Variants in LYZL4 observed in about 807,000 individuals in gnomAD.
LYZL4 encodes the protein lysozyme-like protein 4.
Under a neutral mutation model 17.6 loss-of-function variants are expected in LYZL4, and 13 were observed. The observed-to-expected ratio is 0.74, with a 90% CI of 0.48 to 1.18. The LOEUF (loss-of-function observed/expected upper bound fraction) is 1.18, where lower values mean the gene tolerates loss of function less well. Ranked by LOEUF, LYZL4 falls within the 50% of genes most tolerant of loss-of-function variation. The pLI is 0.00. For missense variants in LYZL4, 174 were observed against 188.2 expected (o/e 0.92, Z 0.44); for synonymous variants, 64 against 67.7 (o/e 0.95, Z 0.27).
chr3:42,404,164 T>G lies in LYZL4; in HGVS notation c.293-40A>C. The stretch of plus-strand genomic sequence containing the variant: ...AAATGGAAGATACCATGCTGCCATA[T>G]GACAGTTAAGTTAGAGTGATGTCAG... On this transcript the variant is annotated intron_variant, in intron 3 of 4. Coordinates refer to ENST00000287748, the MANE Select transcript of LYZL4 (RefSeq NM_144634.4). The G allele has an allele frequency of 2.2e-6, 3 of 1,389,340 alleles. No homozygotes were observed. The South Asian group carries it at 3.5e-5, about 16-fold the overall frequency. The allele number at this position is 1,389,340 out of a possible 1,614,324, so 86.1% of individuals were successfully genotyped here.
intron 3 of LYZL4, 24 bp downstream of exon 3, chr3:42,406,822 C>A: frequency 6.2e-7 from 1 of 1,612,728 alleles, no homozygotes; most frequent in African/African-American, 1.3e-5. Context: ...AGTGCCCCCG[C>A]ACGGAATGGA....
the LYZL4 span, among the ~76,000 whole-genome samples, chr3:42,376,930 G>C: frequency 1.2e-4 from 18 of 152,316 alleles, no homozygotes; most frequent in African/African-American, 3.6e-4. Context: ...CAATTCTGTT[G>C]CCTAGACAAT....
chr3:42,374,021 T>A, the LYZL4 span, among the ~76,000 whole-genome samples: 2 of 152,182 alleles, frequency 1.3e-5, no homozygotes, highest in African/African-American at 4.8e-5. Flanking sequence ...GAAAATAACT[T>A]TTAGAAACCG....
chr3:42,406,346 C>T (rs529387820), intron 3 of LYZL4, among the ~76,000 whole-genome samples: 28 of 145,556 alleles, frequency 1.9e-4, no homozygotes, highest in Admixed American at 1.6e-3. Flanking sequence ...CCCAGCTACT[C>T]GGGAGGCTGA....
rs907850800 is a variant in LYZL4 at position 42,402,878 on chromosome 3, T to G, written c.371+1168A>C. ...GCCCACAAATAGAGGAATGCATAAG[T>G]AACCTGCGGTGAATCCACACAATGG... On this transcript the variant is annotated intron_variant, in intron 4 of 4. Transcript: ENST00000287748. Among the ~76,000 whole-genome samples the G allele has an allele frequency of 2.6e-5, 4 of 152,184 alleles. No individual in the cohort carries two copies. The East Asian group carries it at 7.7e-4, about 29-fold the overall frequency.
chr3:42,408,731 C>G (rs1037181705), intron 1 of LYZL4, among the ~76,000 whole-genome samples: 2 of 152,152 alleles, frequency 1.3e-5, no homozygotes, highest in Non-Finnish European at 2.9e-5. Context: ...TGTCACCGTT[C>G]ACAGGTGCAT....
At chr3:42,407,755 C>G (rs1249770389) in intron 1 of LYZL4, among the ~76,000 whole-genome samples, 1 of 151,732 alleles carries the variant, frequency 6.6e-6, no homozygotes, top group Non-Finnish European at 1.5e-5. Flanking sequence ...CCACTACCGA[C>G]CTGTTGAATT....
intron 3 of LYZL4, 127 bp from the exon 4 acceptor site, chr3:42,404,251 T>G: frequency 1.8e-6 from 1 of 543,110 alleles, no homozygotes; most frequent in Non-Finnish European, 3.2e-6. Context: ...AAATCTATCC[T>G]TAGATTTTTA....
chr3:42,370,666 AT>A, the LYZL4 span, among the ~76,000 whole-genome samples: 5,064 of 152,228 alleles, frequency 0.033, 97 homozygotes, highest in Middle Eastern at 0.054. Context: ...CACTACCACT[AT>A]TTCCTTCTAC....
intron 4 of LYZL4, among the ~76,000 whole-genome samples, chr3:42,402,814 C>T (rs1386131243): frequency 6.6e-6 from 1 of 152,174 alleles, no homozygotes; most frequent in African/African-American, 2.4e-5. Flanking sequence ...TAAGTATAGA[C>T]TGTCCATGGC....
chr3:42,389,162 C>T, the LYZL4 span, among the ~76,000 whole-genome samples: 1 of 152,192 alleles, frequency 6.6e-6, no homozygotes, highest in Non-Finnish European at 1.5e-5. Flanking sequence ...TGACAGGGTT[C>T]TGCATACAGT....
At chr3:42,405,987 G>C (rs1211503298) in intron 3 of LYZL4, among the ~76,000 whole-genome samples, 1 of 152,122 alleles carries the variant, frequency 6.6e-6, no homozygotes, top group Non-Finnish European at 1.5e-5. Context: ...GGCACTTAGT[G>C]GGTGCTCAAT....
the LYZL4 span, among the ~76,000 whole-genome samples, chr3:42,376,105 G>T: frequency 6.6e-6 from 1 of 152,160 alleles, no homozygotes; most frequent in Non-Finnish European, 1.5e-5. Context: ...GACCCCTCAA[G>T]GTTGTGGAAA....
downstream of LYZL4, among the ~76,000 whole-genome samples, chr3:42,392,954 G>A (rs1259214955): frequency 6.6e-6 from 1 of 152,172 alleles, no homozygotes; most frequent in Non-Finnish European, 1.5e-5. Context: ...CAAGATGCCA[G>A]GGTGCTGGTG....
chr3:42,379,654 A>T, the LYZL4 span, among the ~76,000 whole-genome samples: 5 of 152,238 alleles, frequency 3.3e-5, no homozygotes, highest in African/African-American at 4.8e-5. Flanking sequence ...GAACTCTGCC[A>T]TCAAAGAAAC....
Position 42,397,239 on chromosome 3 carries a change from G to A in LYZL4, c.*26C>T. The A allele has an allele frequency of 6.6e-7, 1 of 1,509,638 alleles. No individual in the cohort carries two copies. Among genetic ancestry groups the A allele is most frequent in the Non-Finnish European group, 9.0e-7 (1 of 1,109,594 alleles). 93.5% of individuals were successfully genotyped at this position (1,509,638 alleles called of 1,614,324 possible). A position where few individuals can be genotyped will look rare whatever the true frequency, so the allele number is the denominator to read the frequency against. ...CCTTCATTCACAAGATGCAACTGGT[G>A]AGTGCTGCAGGGGCCATGCAGGTGG... is the stretch of plus-strand genomic sequence containing the variant. On this transcript the variant is annotated 3_prime_UTR_variant, in exon 5 of 5. Transcript: ENST00000287748.
the LYZL4 span, among the ~76,000 whole-genome samples, chr3:42,386,164 G>A: frequency 6.6e-6 from 1 of 152,022 alleles, no homozygotes; most frequent in African/African-American, 2.4e-5. Flanking sequence ...GTGCAGTGGT[G>A]TGATCTTGGC....
At chr3:42,377,462 G>C in the LYZL4 span, among the ~76,000 whole-genome samples, 1 of 152,044 alleles carries the variant, frequency 6.6e-6, no homozygotes, top group East Asian at 1.9e-4. Context: ...CTTACATGTA[G>C]GGATACTAGG....
the LYZL4 span, among the ~76,000 whole-genome samples, chr3:42,363,858 C>T: frequency 0.32 from 48,865 of 152,058 alleles, 8,739 homozygotes; most frequent in East Asian, 0.47. Context: ...GAACATTACA[C>T]GGATCATCTC....
Sources: gnomAD v4.1 joint callset for allele counts (sites outside exome capture counted in the v4.1 genomes callset) on GRCh38, gnomAD v4.1.1 for gene constraint, MANE v1.5 for transcripts, NCBI Gene and HGNC (gene_info 2026-07-23, HGNC 2026-07-21) for gene names.